Variants in SPATS2 observed in about 807,000 individuals in gnomAD.
SPATS2 encodes the protein spermatogenesis-associated serine-rich protein 2.
A neutral mutation model predicts 63.7 loss-of-function variants in SPATS2; 38 were observed. The observed-to-expected ratio is 0.60, with a 90% CI of 0.46 to 0.78. The LOEUF (loss-of-function observed/expected upper bound fraction) is 0.78. SPATS2 is among the 30% of genes least tolerant of loss of function. The pLI is 0.00. For missense variants in SPATS2, 588 were observed against 666.2 expected (o/e 0.88, Z 1.29); for synonymous variants, 207 against 232.9 (o/e 0.89, Z 1.01).
intron 2 of SPATS2, among the ~76,000 whole-genome samples, chr12:49,433,274 T>C (rs1945217643): frequency 1.3e-5 from 2 of 152,198 alleles, no homozygotes; most frequent in Admixed American, 6.5e-5. Context: ...GCGATTCTCC[T>C]GCTTCAGGCT....
Position 49,524,857 on chromosome 12 carries a change from A to G in SPATS2, c.1287A>G (p.Ile429Met), listed in dbSNP as rs1947005829. ...CACCGGGAGAGACTCCTGCAGCCAT[A>G]GCAAACTCCAGTGGCCAGCCCTACC... ...NFAPGETPAA[I>M]ANSSGQPYQP... Residue 429 changes from isoleucine to methionine, a missense_variant, in exon 13 of 14, where the codon ATA becomes ATG. Transcript: ENST00000552918. 1 of 1,612,644 alleles carries G rather than the reference A, an allele frequency of 6.2e-7. No homozygotes were observed.
intron 2 of SPATS2, among the ~76,000 whole-genome samples, chr12:49,450,942 C>T (rs901066288): frequency 6.6e-6 from 1 of 151,642 alleles, no homozygotes; most frequent in Non-Finnish European, 1.5e-5. Flanking sequence ...GATCTCGGCT[C>T]GCTGGAACCT....
At chr12:49,465,745 A>ACCAGCCTGG (rs1237617270) in intron 3 of SPATS2, among the ~76,000 whole-genome samples, 1 of 152,156 alleles carries the variant, frequency 6.6e-6, no homozygotes, top group Non-Finnish European at 1.5e-5. Context: ...GGAGTTCAAG[A>ACCAGCCTGG]CCAGCCTGGC....
chr12:49,417,890 A>G (rs1944914405), intron 2 of SPATS2, among the ~76,000 whole-genome samples: 1 of 152,070 alleles, frequency 6.6e-6, no homozygotes, highest in Admixed American at 6.6e-5. Context: ...GTATGTGTTT[A>G]TGTATTTAGA....
intron 1 of SPATS2, among the ~76,000 whole-genome samples, chr12:49,369,690 T>C (rs1392785572): frequency 6.6e-6 from 1 of 152,226 alleles, no homozygotes; most frequent in Non-Finnish European, 1.5e-5. Flanking sequence ...TCCTGTGATT[T>C]AACAAAGGTC....
intron 3 of SPATS2, 52 bp from the exon 4 acceptor site, chr12:49,484,538 G>A: frequency 6.4e-7 from 1 of 1,568,168 alleles, no homozygotes; most frequent in Non-Finnish European, 8.7e-7. Context: ...TCTGTCTTAG[G>A]GATGGATTAT....
intron 9 of SPATS2, among the ~76,000 whole-genome samples, chr12:49,504,307 T>C (rs1409344229): frequency 6.6e-6 from 1 of 152,234 alleles, no homozygotes; most frequent in African/African-American, 2.4e-5. Context: ...AGCATTCTAA[T>C]GTATAAAACT....
chr12:49,428,320 TACCATTTTA>T (rs146743134), intron 2 of SPATS2, among the ~76,000 whole-genome samples: 278 of 152,250 alleles, frequency 1.8e-3, no homozygotes, highest in African/African-American at 6.6e-3. Flanking sequence ...ACATGACGTT[TACCATTTTA>T]ACCATTTTGA....
In SPATS2 at chr12:49,416,717, T is replaced by C. The variant is rs528892574; in HGVS notation, c.-243-44053T>C. Among the ~76,000 whole-genome samples, 62 of 152,168 alleles carry C rather than the reference T, an allele frequency of 4.1e-4. No individual in the cohort carries two copies. In the Middle Eastern group the frequency reaches 0.01, roughly 25 times the overall value. On this transcript the variant is annotated intron_variant, in intron 2 of 13. Coordinates refer to ENST00000552918, the MANE Select transcript of SPATS2 (RefSeq NM_023071.4). ...CCAGGCTGGTCACGAACCCCTGACC[T>C]CAAATGATTTGCCCACCTCAGCTTC...
rs532405563 is a variant in SPATS2, at chr12:49,419,553, G to T, written c.-243-41217G>T. 1.4e-4 allele frequency among the ~76,000 whole-genome samples: 21 copies of T among 152,250 alleles called. No individual in the cohort carries two copies. The South Asian group carries it at 3.7e-3, about 27-fold the overall frequency. ...TATTAGAGATATTTTTAAATTTGGG[G>T]CTTAGCCAGAAGATCTGAGCATTGA... On this transcript the variant is annotated intron_variant, in intron 2 of 13. Transcript: ENST00000552918.
intron 2 of SPATS2, among the ~76,000 whole-genome samples, chr12:49,433,067 AC>A (rs1307969363): frequency 6.6e-6 from 1 of 152,040 alleles, no homozygotes; most frequent in African/African-American, 2.4e-5. Flanking sequence ...CCACATCTTT[AC>A]TAATACTTAT....
rs370951943 is a variant in SPATS2, at chr12:49,470,239, C to T, written c.25+9202C>T. On this transcript the variant is annotated intron_variant, in intron 3 of 13. Coordinates refer to ENST00000552918, the MANE Select transcript of SPATS2 (RefSeq NM_023071.4). ...TAGAGACGGGTTTTCATCATGTTGG[C>T]CAGGCTGGTCTTGAACTCCTGACCT... Among the ~76,000 whole-genome samples the T allele has an allele frequency of 5.3e-5, 8 of 152,052 alleles. No homozygotes were observed. The East Asian group carries it at 1.2e-3, about 22-fold the overall frequency.
intron 2 of SPATS2, among the ~76,000 whole-genome samples, chr12:49,420,086 T>C (rs1399137917): frequency 6.6e-6 from 1 of 152,222 alleles, no homozygotes; most frequent in African/African-American, 2.4e-5. Context: ...ATGGCTATGC[T>C]TCTTAGAGTC....
intron 2 of SPATS2, among the ~76,000 whole-genome samples, chr12:49,377,354 A>G (rs1944126278): frequency 6.6e-6 from 1 of 152,322 alleles, no homozygotes; most frequent in East Asian, 1.9e-4. Context: ...AACGACTACT[A>G]AATGTGTGTT....
intron 2 of SPATS2, among the ~76,000 whole-genome samples, chr12:49,429,000 G>A (rs774012643): frequency 2.6e-5 from 4 of 152,202 alleles, no homozygotes; most frequent in Non-Finnish European, 4.4e-5. Flanking sequence ...GCGAGGAGGA[G>A]GGCGCAGACA....
At chr12:49,516,201 ATAT>A (rs553530908) in intron 10 of SPATS2, among the ~76,000 whole-genome samples, 1 of 107,824 alleles carries the variant, frequency 9.3e-6, no homozygotes, top group African/African-American at 3.4e-5. Context: ...ATATATATAT[ATAT>A]ATATAAATCA....
intron 8 of SPATS2, among the ~76,000 whole-genome samples, chr12:49,499,388 CT>C (rs1946523574): frequency 1.5e-5 from 2 of 137,142 alleles, no homozygotes; most frequent in African/African-American, 5.4e-5. Context: ...ATTGTTCTGC[CT>C]GGTTGTTTTG....
chr12:49,448,387 C>T (rs899848545), intron 2 of SPATS2, among the ~76,000 whole-genome samples: 2 of 151,992 alleles, frequency 1.3e-5, no homozygotes, highest in Admixed American at 6.6e-5. Flanking sequence ...GATCTGCCCG[C>T]CTTGGCCTCC....
chr12:49,504,770 C>CTTTTT (rs745453843), intron 9 of SPATS2, among the ~76,000 whole-genome samples: 63 of 98,784 alleles, frequency 6.4e-4, no homozygotes, highest in Non-Finnish European at 8.0e-4. Flanking sequence ...TTCTTTCTTT[C>CTTTTT]TTTTTTTTTT....
Sources: gnomAD v4.1 joint callset for allele counts (sites outside exome capture counted in the v4.1 genomes callset) on GRCh38, gnomAD v4.1.1 for gene constraint, MANE v1.5 for transcripts, NCBI Gene and HGNC (gene_info 2026-07-23, HGNC 2026-07-21) for gene names.